Variants in DTWD2 observed in about 807,000 individuals in gnomAD.
DTWD2 encodes DTW motif tRNA-uridine aminocarboxypropyltransferase 2.
Under a neutral mutation model 31.8 loss-of-function variants are expected in DTWD2, and 39 were observed. That is an observed-to-expected ratio of 1.22 (90% CI 0.95 to 1.60). The LOEUF is 1.60. Among genes scored for constraint, DTWD2 ranks in the 40% most tolerant of loss-of-function variants. The pLI is 0.00. For missense variants in DTWD2, 515 were observed against 381.5 expected, an observed-to-expected ratio of 1.35 and a Z score of -2.92; for synonymous variants, 180 against 142.8, an observed-to-expected ratio of 1.26 and a Z score of -1.86.
intron 3 of DTWD2, among the ~76,000 whole-genome samples, chr5:118,932,761 G>A (rs1267119141): frequency 6.6e-6 from 1 of 152,154 alleles, no homozygotes; most frequent in Non-Finnish European, 1.5e-5. Context: ...AGAGGCCTCA[G>A]GAGAAACCAA....
In DTWD2 at chr5:118,979,427, C is replaced by T. The variant is rs540946582; in HGVS notation, c.218+8867G>A. Among the ~76,000 whole-genome samples the T allele has an allele frequency of 3.9e-5, 6 of 152,266 alleles. No homozygotes were observed. The South Asian group carries it at 1.0e-3, about 26-fold the overall frequency. On this transcript the variant is annotated intron_variant, in intron 1 of 5. Coordinates refer to ENST00000510708, the MANE Select transcript of DTWD2 (RefSeq NM_173666.4). ...TTGGTGGAAGTGTAAATTAGTTCAA[C>T]CATTGTGGAAGATAATGGGGCAATT...
At chr5:118,915,488 C>T (rs1383514567) in intron 4 of DTWD2, among the ~76,000 whole-genome samples, 1 of 151,868 alleles carries the variant, frequency 6.6e-6, no homozygotes, top group Admixed American at 6.6e-5. Context: ...CATTCTCCTG[C>T]CTCAGCCTCC....
intron 1 of DTWD2, among the ~76,000 whole-genome samples, chr5:118,987,779 T>C (rs762860148): frequency 6.6e-6 from 1 of 152,170 alleles, no homozygotes; most frequent in African/African-American, 2.4e-5. Context: ...AGATGATAAT[T>C]TACCATGAAA....
At chr5:118,901,669 C>G (rs943626834) in intron 4 of DTWD2, among the ~76,000 whole-genome samples, 29 of 151,898 alleles carry the variant, frequency 1.9e-4, no homozygotes, top group African/African-American at 6.8e-4. Flanking sequence ...AATCTGAGAC[C>G]TGTCAATAAA....
chr5:118,917,367 A>G (rs910000712), intron 4 of DTWD2, among the ~76,000 whole-genome samples: 2 of 152,212 alleles, frequency 1.3e-5, no homozygotes, highest in African/African-American at 4.8e-5. Flanking sequence ...ACAATAGGGA[A>G]GGGAAAAAGA....
chr5:118,861,221 G>A (rs563984481), intron 4 of DTWD2, among the ~76,000 whole-genome samples: 1 of 152,272 alleles, frequency 6.6e-6, no homozygotes, highest in Admixed American at 6.5e-5. Context: ...TTATTGGTGG[G>A]TTCACCTGGA....
At position 118,842,393 on chromosome 5, in the gene DTWD2, T is replaced by C. The variant is rs561355728; in HGVS notation, c.727-1306A>G. Among the ~76,000 whole-genome samples, 212 of 152,276 alleles carry C rather than the reference T, an allele frequency of 1.4e-3. 1 individual carries two copies. Among genetic ancestry groups the C allele is most frequent in the African/African-American group, 4.8e-3 (198 of 41,558 alleles). On this transcript the variant is annotated intron_variant, in intron 5 of 5. Transcript: ENST00000510708. ...AGCAGGCATAGGTTTTTGTCCTTTT[T>C]TCCTGCCTAGAAAATAACTGTTGAA...
intron 5 of DTWD2, 55 bp from the exon 6 acceptor site, chr5:118,841,142 A>T: frequency 6.5e-7 from 1 of 1,542,246 alleles, no homozygotes; most frequent in East Asian, 2.4e-5. Context: ...ATGATATTCT[A>T]TCTATATTTT....
chr5:118,930,787 A>G (rs993067051), intron 3 of DTWD2, among the ~76,000 whole-genome samples: 1 of 152,190 alleles, frequency 6.6e-6, no homozygotes, highest in African/African-American at 2.4e-5. Flanking sequence ...CAGATATCAA[A>G]TATGGATAAC....
At chr5:118,873,055 G>A (rs923285382) in intron 4 of DTWD2, among the ~76,000 whole-genome samples, 2 of 152,196 alleles carry the variant, frequency 1.3e-5, no homozygotes, top group Non-Finnish European at 2.9e-5. Context: ...AAGCAGGTGA[G>A]GTGAAAAGGC....
chr5:118,949,685 G>A (rs1170078329), intron 1 of DTWD2, among the ~76,000 whole-genome samples: 2 of 152,076 alleles, frequency 1.3e-5, no homozygotes, highest in Non-Finnish European at 2.9e-5. Flanking sequence ...GGATGTTAAG[G>A]GGTGCATGAT....
intron 4 of DTWD2, among the ~76,000 whole-genome samples, chr5:118,919,859 G>A (rs150087776): frequency 1.4e-4 from 21 of 152,078 alleles, no homozygotes; most frequent in African/African-American, 4.1e-4. Flanking sequence ...AAACAGTGGC[G>A]TTTCACACTT....
chr5:118,969,471 A>T (rs1260354423), intron 1 of DTWD2, among the ~76,000 whole-genome samples: 6 of 152,314 alleles, frequency 3.9e-5, no homozygotes, highest in African/African-American at 1.4e-4. Context: ...CTCCGAGAAG[A>T]AAGAGGAGGC....
At chr5:118,874,486 G>C (rs1324761895) in intron 4 of DTWD2, among the ~76,000 whole-genome samples, 1 of 152,166 alleles carries the variant, frequency 6.6e-6, no homozygotes, top group Non-Finnish European at 1.5e-5. Flanking sequence ...GGTGCTGATA[G>C]ACAAAAGAGC....
intron 4 of DTWD2, among the ~76,000 whole-genome samples, chr5:118,855,260 TCTTG>T (rs1752104943): frequency 6.9e-6 from 1 of 144,394 alleles, no homozygotes; most frequent in Non-Finnish European, 1.5e-5. Flanking sequence ...TACCGCAACT[TCTTG>T]TAATTACATA....
intron 4 of DTWD2, among the ~76,000 whole-genome samples, chr5:118,916,935 A>T (rs985721806): frequency 2.6e-5 from 4 of 152,190 alleles, no homozygotes; most frequent in Non-Finnish European, 4.4e-5. Context: ...CCCCATTAGA[A>T]CTACAACTAA....
rs563926736 is a variant in DTWD2 at position 118,987,219 on chromosome 5, C to A, written c.218+1075G>T. On this transcript the variant is annotated intron_variant, in intron 1 of 5. Transcript: ENST00000510708. ...TGTTTAAATTAATTGTATTCACAAA[C>A]CCCTATGTTCAAATTCACAGTCCCT... 1.8e-3 allele frequency among the ~76,000 whole-genome samples: 276 copies of A among 152,306 alleles called. 1 individual carries two copies. The highest frequency in any genetic ancestry group is 6.1e-3 in the African/African-American group (253 of 41,550).
intron 4 of DTWD2, among the ~76,000 whole-genome samples, chr5:118,860,991 T>C (rs57643783): frequency 0.031 from 4,709 of 152,244 alleles, 251 homozygotes; most frequent in African/African-American, 0.11. Context: ...CATTTCTCAA[T>C]AGTTAAGTCA....
chr5:118,973,291 G>A (rs962268018), intron 1 of DTWD2, among the ~76,000 whole-genome samples: 38 of 152,134 alleles, frequency 2.5e-4, no homozygotes, highest in African/African-American at 8.2e-4. Flanking sequence ...ATATGATCCT[G>A]TCATTATGAT....
Sources: allele counts gnomAD v4.1 joint callset (sites outside exome capture counted in the v4.1 genomes callset), GRCh38; gene constraint gnomAD v4.1.1; transcripts MANE v1.5; gene names NCBI Gene and HGNC (gene_info 2026-07-23, HGNC 2026-07-21).